The following TTK variants were observed in gnomAD, a reference collection of about 807,000 sequenced individuals.
TTK encodes the protein dual specificity protein kinase TTK.
In TTK, 59 loss-of-function variants were observed where a neutral mutation model predicts 117.3. The observed-to-expected ratio is 0.50, with a 90% CI of 0.41 to 0.62. The LOEUF (loss-of-function observed/expected upper bound fraction) is 0.62, where lower values mean the gene tolerates loss of function less well. Ranked by LOEUF, TTK falls within the 20% of genes least tolerant of loss-of-function variation. The probability of loss-of-function intolerance (pLI) is 0.00; values close to 1 mark genes in which losing one functional copy is unlikely to be tolerated. For missense variants in TTK, 921 were observed against 989.4 expected (o/e 0.93, Z 0.93); for synonymous variants, 302 against 325.0 (o/e 0.93, Z 0.76).
chr6:80,013,176 A>G, intron 8 of TTK, 103 bp from the exon 9 acceptor site: 1 of 878,434 alleles, frequency 1.1e-6, no homozygotes, highest in South Asian at 1.7e-5. Context: ...TTTTCAATAA[A>G]AAGTATGTAT....
chr6:80,025,224 C>T (rs1767574279), intron 11 of TTK, among the ~76,000 whole-genome samples: 1 of 152,162 alleles, frequency 6.6e-6, no homozygotes, highest in African/African-American at 2.4e-5. Flanking sequence ...TACAGCAGTT[C>T]CTCAGTAACA....
At chr6:80,036,967 T>C (rs1767922583) in intron 17 of TTK, among the ~76,000 whole-genome samples, 3 of 152,078 alleles carry the variant, frequency 2.0e-5, no homozygotes, top group Admixed American at 2.0e-4. Flanking sequence ...TGAGGTAAGA[T>C]CATTTTTATT....
intron 11 of TTK, among the ~76,000 whole-genome samples, chr6:80,024,841 TG>T (rs1767563564): frequency 1.3e-5 from 2 of 152,288 alleles, no homozygotes; most frequent in Admixed American, 6.5e-5. Context: ...ACCATATGGC[TG>T]TGTGCTCTCT....
At chr6:80,010,710 T>C in intron 4 of TTK, 104 bp from the exon 5 acceptor site, 1 of 1,196,332 alleles carries the variant, frequency 8.4e-7, no homozygotes. Flanking sequence ...TTTGCTTAAG[T>C]CTTTTTGATT....
chr6:80,022,331 A>G lies in TTK; in HGVS notation c.1116A>G (p.Lys372=), dbSNP rs148214343. ...CAACAAATACAATTTCAGAAACTAA[A>G]GAGTATCAAGAACCAGAGGTTCCAG... ...SSLLAKLEET[K]EYQEPEVPES... Residue 372 remains lysine (K), a synonymous_variant, in exon 11 of 22, where the codon AAA becomes AAG. Transcript: ENST00000369798. 3.1e-6 allele frequency: 5 copies of G among 1,608,120 alleles called. No homozygotes were observed. In the African/African-American group the frequency reaches 6.7e-5, roughly 22 times the overall value.
intron 1 of TTK, 87 bp from the exon 2 acceptor site, chr6:80,005,755 T>C: frequency 3.4e-6 from 5 of 1,471,104 alleles, no homozygotes; most frequent in Non-Finnish European, 4.6e-6. Flanking sequence ...ACGAATGCTT[T>C]AGTCGTCTGG....
Position 80,031,495 on chromosome 6 carries a change from G to T in TTK, c.1550G>T (p.Cys517Phe). Residue 517 changes from cysteine to phenylalanine, a missense_variant, in exon 14 of 22, where the codon TGC (cysteine) becomes TTC (phenylalanine). By Grantham distance (205) the Cys-to-Phe change is radical. Transcript: ENST00000369798. ...QVLASSSANE[C>F]ISVKGRIYSI... ...TTAGCATCTTCTTCAGCAAATGAATGCATTTCGGTTAAAGGAAGAATTTAT... is the reference window on the plus strand; with the variant it reads ...TTAGCATCTTCTTCAGCAAATGAATTCATTTCGGTTAAAGGAAGAATTTAT... The T allele has an allele frequency of 6.6e-7, 1 of 1,518,182 alleles. No individual in the cohort carries two copies. Among genetic ancestry groups the T allele is most frequent in the South Asian group, 1.4e-5 (1 of 70,220 alleles). 94.0% of individuals were successfully genotyped at this position (1,518,182 alleles called of 1,614,324 possible).
intron 13 of TTK, among the ~76,000 whole-genome samples, chr6:80,031,188 C>T (rs1767751591): frequency 6.6e-6 from 1 of 150,978 alleles, no homozygotes; most frequent in Non-Finnish European, 1.5e-5. Context: ...TATTTTTAAG[C>T]TTATAAGTTT....
Position 80,026,403 on chromosome 6 carries a change from C to A in TTK, c.1283C>A (p.Pro428His). The A allele has an allele frequency of 6.2e-7, 1 of 1,612,430 alleles. No homozygotes were observed. The change falls in exon 12 of 22, where the codon CCT becomes CAT. Residue 428 changes from proline (P) to histidine (H), a missense_variant. By Grantham distance (77) the Pro-to-His change is moderately conservative (BLOSUM62 -2). Transcript: ENST00000369798. ...CAGAAACATACCACTTTTGAGCAAC[C>A]TGTCTTTTCAGTTTCAAAACAGTCA... ...TEQKHTTFEQ[P>H]VFSVSKQSPP...
intron 17 of TTK, chr6:80,037,526 A>T (rs566127413): frequency 1.3e-5 from 2 of 152,776 alleles, no homozygotes; most frequent in East Asian, 1.9e-4. Flanking sequence ...TAAAAAATAT[A>T]TTTTTTTAAA....
rs36122081 is a variant in TTK at position 80,040,575 on chromosome 6, G to T, written c.2393-31G>T. ...ACAATGGACTTATATTTTTCTTACT[G>T]GTACTAGTGTATTATTGATTTATTT... On this transcript the variant is annotated intron_variant, in intron 20 of 21. Coordinates refer to ENST00000369798, the MANE Select transcript of TTK (RefSeq NM_003318.5). 0.014 allele frequency: 22,736 copies of T among 1,570,326 alleles called. 212 individuals are homozygous for T. Among genetic ancestry groups the T allele is most frequent in the Non-Finnish European group, 0.018 (20,163 of 1,150,692 alleles).
intron 10 of TTK, among the ~76,000 whole-genome samples, chr6:80,018,505 T>TC (rs1767371499): frequency 6.6e-6 from 1 of 151,300 alleles, no homozygotes; most frequent in South Asian, 2.1e-4. Flanking sequence ...GTGCCTGTAA[T>TC]CCCAGCTAAT....
In TTK at chr6:80,042,480, A is replaced by G; in HGVS notation, c.*278A>G. ...AGTGGGTGGATAGCAAGTATATTCT[A>G]AAAAACTTTGTAAATAAAGTTTTGT... is the stretch of plus-strand genomic sequence containing the variant. On this transcript the variant is annotated 3_prime_UTR_variant, in exon 22 of 22. Transcript: ENST00000369798. The G allele has an allele frequency of 4.8e-6, 1 of 207,638 alleles. No homozygotes were observed. The highest frequency in any genetic ancestry group is 5.8e-5 in the Admixed American group (1 of 17,158). 12.9% of individuals were successfully genotyped at this position (207,638 alleles called of 1,614,324 possible).
intron 15 of TTK, 55 bp from the exon 16 acceptor site, chr6:80,035,211 C>A: frequency 6.5e-7 from 1 of 1,536,200 alleles, no homozygotes; most frequent in East Asian, 2.3e-5. Flanking sequence ...ATTTAGTAAA[C>A]TTTAATATAA....
At chr6:80,006,483 G>A (rs1177775974) in intron 2 of TTK, among the ~76,000 whole-genome samples, 1 of 152,110 alleles carries the variant, frequency 6.6e-6, no homozygotes, top group Non-Finnish European at 1.5e-5. Context: ...GTATAATTGT[G>A]CTTAATTATG....
At position 80,013,295 on chromosome 6, in the gene TTK, G is replaced by A. The variant is rs1246168569; in HGVS notation, c.913G>A (p.Glu305Lys). 1 of 1,599,064 alleles carries A rather than the reference G, an allele frequency of 6.3e-7. No individual in the cohort carries two copies. The highest frequency in any genetic ancestry group is 1.8e-5 in the Admixed American group (1 of 56,240). ...CFMKRQTSRS[E>K]CRDLVVPGSK... ...GGGTAAAAGACAAACCTCTAGATCA[G>A]AATGCCGAGATTTGGTTGTGCCTGG... The change falls in exon 9 of 22, where the codon GAA becomes AAA. Residue 305 changes from glutamate to lysine, a missense_variant. Transcript: ENST00000369798.
rs1381284834 is a variant in TTK at position 80,042,231 on chromosome 6, A to C, written c.*29A>C. 2 of 1,511,106 alleles carry C rather than the reference A, an allele frequency of 1.3e-6. No individual in the cohort carries two copies. The highest frequency in any genetic ancestry group is 2.3e-5 in the East Asian group (1 of 44,144). The allele number at this position is 1,511,106 out of a possible 1,614,324, so 93.6% of individuals were successfully genotyped here. A position where few individuals can be genotyped will look rare whatever the true frequency, so the allele number is the denominator to read the frequency against. On this transcript the variant is annotated 3_prime_UTR_variant, in exon 22 of 22. Coordinates refer to ENST00000369798, the MANE Select transcript of TTK (RefSeq NM_003318.5). ...GCAGTTATTCGTAATGTCAGATACC[A>C]CCTATAAAATATATTGGACTGTTAT...
In TTK at chr6:80,039,732, A is replaced by G. The variant is rs774170186; in HGVS notation, c.2167A>G (p.Ile723Val). The G allele has an allele frequency of 1.9e-6, 3 of 1,575,684 alleles. No individual in the cohort carries two copies. The highest frequency in any genetic ancestry group is 2.6e-6 in the Non-Finnish European group (3 of 1,163,568). ...AAGTGATGTTTGGTCCTTAGGATGT[A>G]TTTTGTACTATATGACTTACGGGAA... is the stretch of plus-strand genomic sequence containing the variant. ...PKSDVWSLGC[I>V]LYYMTYGKTP... The change falls in exon 19 of 22, where the codon ATT becomes GTT. Residue 723 changes from isoleucine to valine, a missense_variant. Ile to Val is a conservative substitution (Grantham distance 29, BLOSUM62 3). Transcript: ENST00000369798.
intron 12 of TTK, 36 bp downstream of exon 12, chr6:80,026,550 G>A (rs1767613067): frequency 6.2e-7 from 1 of 1,609,510 alleles, no homozygotes; most frequent in Non-Finnish European, 8.5e-7. Flanking sequence ...TTGGCAGGGT[G>A]GTATGATAGA....
Sources: gnomAD v4.1 joint callset for allele counts (sites outside exome capture counted in the v4.1 genomes callset) on GRCh38, gnomAD v4.1.1 for gene constraint, MANE v1.5 for transcripts, NCBI Gene and HGNC (gene_info 2026-07-23, HGNC 2026-07-21) for gene names.